Variants in CPNE5 observed in about 807,000 individuals in gnomAD.
CPNE5 encodes copine 5.
Under a neutral mutation model 81.1 loss-of-function variants are expected in CPNE5, and 42 were observed. The ratio of observed to expected loss-of-function variants is 0.52; its 90% CI spans 0.40 to 0.67. The LOEUF (loss-of-function observed/expected upper bound fraction) is 0.67. Among genes scored for constraint, CPNE5 ranks in the 30% least tolerant of loss-of-function variants. The pLI is 0.00. For missense variants in CPNE5, 612 were observed against 815.5 expected (o/e 0.75, Z 3.04); for synonymous variants, 313 against 321.5 (o/e 0.97, Z 0.28).
chr6:36,772,165 G>T (rs1277982557), intron 10 of CPNE5, among the ~76,000 whole-genome samples: 1 of 152,110 alleles, frequency 6.6e-6, no homozygotes, highest in Non-Finnish European at 1.5e-5. Flanking sequence ...TTGGGCCAGG[G>T]ATCCCCAATT....
chr6:36,766,310 T>C lies in CPNE5; in HGVS notation c.738-934A>G, dbSNP rs957854929. Among the ~76,000 whole-genome samples, 1 of 152,182 alleles carries C rather than the reference T, an allele frequency of 6.6e-6. No individual in the cohort carries two copies. Among genetic ancestry groups the C allele is most frequent in the African/African-American group, 2.4e-5 (1 of 41,436 alleles). On this transcript the variant is annotated intron_variant, in intron 10 of 20. Coordinates refer to ENST00000244751, the MANE Select transcript of CPNE5 (RefSeq NM_020939.2). The surrounding 1 kb of genome is among the most constrained non-coding windows in gnomAD (Gnocchi z 4.2). ...GGCCTGCCAGGAGTCAGCCTTGGGC[T>C]TCTGTGGCCCCTCCAGGAGGAGGCG...
At chr6:36,835,514 G>C (rs1282698299) in intron 1 of CPNE5, among the ~76,000 whole-genome samples, 2 of 152,158 alleles carry the variant, frequency 1.3e-5, no homozygotes, top group African/African-American at 4.8e-5. Flanking sequence ...TCTCTAGATT[G>C]GCAGGGCACA....
At chr6:36,828,308 C>CAAAAAAAA (rs11444450) in intron 1 of CPNE5, among the ~76,000 whole-genome samples, 5 of 78,602 alleles carry the variant, frequency 6.4e-5, no homozygotes, top group Non-Finnish European at 1.2e-4. Flanking sequence ...AACAACAAAC[C>CAAAAAAAA]AAAAAAAAAA....
intron 14 of CPNE5, 51 bp from the exon 15 acceptor site, chr6:36,748,318 G>C: frequency 6.5e-7 from 1 of 1,548,142 alleles, no homozygotes; most frequent in South Asian, 1.1e-5. Flanking sequence ...GCAGGGCTGT[G>C]GGAGGGGGGA....
chr6:36,809,356 G>T (rs754084095), intron 3 of CPNE5, among the ~76,000 whole-genome samples: 1 of 151,990 alleles, frequency 6.6e-6, no homozygotes, highest in African/African-American at 2.4e-5. Context: ...CAGGAGGATC[G>T]CTTGAACCTA....
chr6:36,769,583 T>G (rs1411462732), intron 10 of CPNE5, among the ~76,000 whole-genome samples: 1 of 152,186 alleles, frequency 6.6e-6, no homozygotes, highest in Non-Finnish European at 1.5e-5. Flanking sequence ...GGTTTTGCCT[T>G]AAATGGACTT....
intron 7 of CPNE5, chr6:36,792,578 C>T: frequency 2.2e-6 from 1 of 445,896 alleles, no homozygotes; most frequent in Admixed American, 2.4e-5. Flanking sequence ...GCTGGTGGGC[C>T]CTCGCTGGCA....
intron 3 of CPNE5, among the ~76,000 whole-genome samples, chr6:36,814,984 C>A (rs566678942): frequency 6.6e-6 from 1 of 152,056 alleles, no homozygotes; most frequent in South Asian, 2.1e-4. Context: ...CTGAAACCAA[C>A]CCCATCTCTA....
At chr6:36,810,738 C>T (rs1771030504) in intron 3 of CPNE5, among the ~76,000 whole-genome samples, 2 of 152,172 alleles carry the variant, frequency 1.3e-5, no homozygotes, top group Admixed American at 1.3e-4. Flanking sequence ...GAAAACCAGG[C>T]CCAGAGAGAG....
At chr6:36,822,781 G>T (rs1019360760) in intron 2 of CPNE5, among the ~76,000 whole-genome samples, 1 of 152,126 alleles carries the variant, frequency 6.6e-6, no homozygotes, top group African/African-American at 2.4e-5. Context: ...GAGCTCTTAG[G>T]CCTACTGGTT....
At chr6:36,753,984 C>T (rs1001213967) in intron 13 of CPNE5, among the ~76,000 whole-genome samples, 2 of 152,178 alleles carry the variant, frequency 1.3e-5, no homozygotes, top group South Asian at 4.1e-4. Context: ...GGTGAGAGCA[C>T]CACCCTTACT....
intron 10 of CPNE5, among the ~76,000 whole-genome samples, chr6:36,772,989 G>A (rs1157614889): frequency 1.3e-5 from 2 of 151,990 alleles, no homozygotes; most frequent in Non-Finnish European, 2.9e-5. Context: ...ACAGATGTGC[G>A]CCACTATACC....
intron 1 of CPNE5, among the ~76,000 whole-genome samples, chr6:36,834,132 G>A (rs1460509153): frequency 2.0e-5 from 3 of 151,168 alleles, no homozygotes; most frequent in African/African-American, 4.9e-5. Context: ...GTGTGTGTGC[G>A]CCTGTAGTCC....
In CPNE5 at chr6:36,758,105, T is replaced by C. The variant is rs148017447; in HGVS notation, c.856-1807A>G. On this transcript the variant is annotated intron_variant, in intron 12 of 20. Transcript: ENST00000244751. Reference sequence around the variant, plus strand: ...GAAATATTTGCCTAGTTCTGCCACCTAATAATAGCTGTGTGACCTTAGGCA... The same window carrying C: ...GAAATATTTGCCTAGTTCTGCCACCCAATAATAGCTGTGTGACCTTAGGCA... Among the ~76,000 whole-genome samples the C allele has an allele frequency of 1.5e-3, 222 of 152,290 alleles. 1 individual carries two copies. The highest frequency in any genetic ancestry group is 2.2e-3 in the Non-Finnish European group (149 of 68,010).
intron 15 of CPNE5, among the ~76,000 whole-genome samples, chr6:36,747,221 A>C (rs1162301102): frequency 6.6e-6 from 1 of 150,576 alleles, no homozygotes; most frequent in Non-Finnish European, 1.5e-5. Context: ...AGCCTCCCCC[A>C]ATCCTTCCTA....
At chr6:36,742,565 T>TGCGGGGGG in intron 20 of CPNE5, 79 bp from the exon 21 acceptor site, 1 of 1,165,112 alleles carries the variant, frequency 8.6e-7, no homozygotes, top group Non-Finnish European at 1.2e-6. Flanking sequence ...TGGGGTTGCA[T>TGCGGGGGG]CCCCACCCCC....
At chr6:36,809,555 G>A (rs1370911643) in intron 3 of CPNE5, among the ~76,000 whole-genome samples, 1 of 151,902 alleles carries the variant, frequency 6.6e-6, no homozygotes, top group Non-Finnish European at 1.5e-5. Flanking sequence ...CAGCCTGGGC[G>A]ACAGAGCACG....
chr6:36,790,768 C>T (rs998316407), intron 8 of CPNE5, among the ~76,000 whole-genome samples: 2 of 152,104 alleles, frequency 1.3e-5, no homozygotes, highest in Admixed American at 6.5e-5. Context: ...TGGTCTCAAA[C>T]TCCTGACCTC....
At chr6:36,779,636 G>A (rs1767845972) in intron 8 of CPNE5, among the ~76,000 whole-genome samples, 1 of 152,202 alleles carries the variant, frequency 6.6e-6, no homozygotes, top group Non-Finnish European at 1.5e-5. Context: ...GCTCAGAGCA[G>A]GGAGTGGCTT....
Sources: gnomAD v4.1 joint callset for allele counts (sites outside exome capture counted in the v4.1 genomes callset) on GRCh38, gnomAD v4.1.1 for gene constraint, Gnocchi (gnomAD v3.1) non-coding constraint, MANE v1.5 for transcripts, NCBI Gene and HGNC (gene_info 2026-07-23, HGNC 2026-07-21) for gene names.